Variants in TXLNG observed in about 807,000 individuals in gnomAD.
TXLNG encodes the protein gamma-taxilin.
A neutral mutation model predicts 38.8 loss-of-function variants in TXLNG; 5 were observed. The observed-to-expected ratio is 0.13, with a 90% confidence interval of 0.07 to 0.27. TXLNG has a LOEUF of 0.27. TXLNG is among the 10% of genes least tolerant of loss of function. The pLI is 1.00. For missense variants in TXLNG, 393 were observed against 398.2 expected (o/e 0.99, Z 0.11); for synonymous variants, 182 against 158.2 (o/e 1.15, Z -1.13).
chrX:16,808,702 A>G (rs1400744475), intron 1 of TXLNG, among the ~76,000 whole-genome samples: 6 of 111,853 alleles, frequency 5.4e-5, no homozygotes, highest in Non-Finnish European at 9.4e-5. Flanking sequence ...ACCAGTAATT[A>G]TATAACCACC....
chrX:16,833,609 G>A (rs1434083156), intron 6 of TXLNG, among the ~76,000 whole-genome samples: 5 of 106,857 alleles, frequency 4.7e-5, no homozygotes, highest in Non-Finnish European at 9.5e-5. Flanking sequence ...TTCCAAAGTT[G>A]GAATATAAAT....
chrX:16,798,870 G>A (rs1283396344), intron 1 of TXLNG, among the ~76,000 whole-genome samples: 2 of 109,987 alleles, frequency 1.8e-5, no homozygotes, highest in East Asian at 2.8e-4. Context: ...GAGCCACTGC[G>A]CCCAGCCAGC....
At chrX:16,835,910 C>A (rs984401401) in intron 7 of TXLNG, among the ~76,000 whole-genome samples, 3 of 112,402 alleles carry the variant, frequency 2.7e-5, no homozygotes, top group African/African-American at 9.7e-5. Flanking sequence ...TATTGGCTAC[C>A]CACTGGGCCA....
intron 1 of TXLNG, among the ~76,000 whole-genome samples, chrX:16,811,114 C>T (rs1928499333): frequency 9.0e-6 from 1 of 111,690 alleles, no homozygotes; most frequent in Non-Finnish European, 1.9e-5. Flanking sequence ...TAAGCTATTG[C>T]TACTTAGGAG....
chrX:16,801,862 C>T (rs895595200), intron 1 of TXLNG, among the ~76,000 whole-genome samples: 4 of 110,046 alleles, frequency 3.6e-5, no homozygotes, highest in African/African-American at 1.3e-4. Context: ...CAAAGCCAGA[C>T]TCCCTGTGTT....
chrX:16,819,068 GT>G (rs1198115891), intron 2 of TXLNG, among the ~76,000 whole-genome samples, 191 bp downstream of exon 2: 4 of 103,674 alleles, frequency 3.9e-5, no homozygotes, highest in East Asian at 3.0e-4. Context: ...AGGACGCTTA[GT>G]TTTTTTTTTT....
At chrX:16,792,584 C>G (rs1351186209) in intron 1 of TXLNG, among the ~76,000 whole-genome samples, 1 of 108,817 alleles carries the variant, frequency 9.2e-6, no homozygotes, top group Non-Finnish European at 1.9e-5. Flanking sequence ...ATTTTGAGAC[C>G]CGCTTGGGCA....
intron 1 of TXLNG, among the ~76,000 whole-genome samples, chrX:16,786,909 C>T (rs1005206139): frequency 8.9e-6 from 1 of 111,745 alleles, no homozygotes; most frequent in African/African-American, 3.2e-5. Flanking sequence ...GTGCGGCCAG[C>T]ACCGCGGGGA....
chrX:16,820,317 A>G (rs1928891596), intron 3 of TXLNG, 62 bp downstream of exon 3: 5 of 926,415 alleles, frequency 5.4e-6, no homozygotes, highest in South Asian at 4.7e-5. Flanking sequence ...TGTGTGCTTG[A>G]TAAGTTTCTT....
intron 1 of TXLNG, among the ~76,000 whole-genome samples, chrX:16,804,753 G>A (rs1264634874): frequency 1.8e-5 from 2 of 109,423 alleles, no homozygotes; most frequent in Non-Finnish European, 3.8e-5. Context: ...TTAAAAATTT[G>A]TTGTAGATTT....
rs1293000707 is a variant in TXLNG at position 16,842,953 on chromosome X, C to G, written c.*1187C>G. 2 of 112,155 alleles carry G rather than the reference C, an allele frequency of 1.8e-5. No homozygotes were observed. The highest frequency in any genetic ancestry group is 6.5e-5 in the African/African-American group (2 of 30,871). The allele number at this position is 112,155 out of a possible 1,213,427, so 9.2% of individuals were successfully genotyped here. A position where few individuals can be genotyped will look rare whatever the true frequency, so the allele number is the denominator to read the frequency against. ...CCACAGTATTATCAAGGTCTCTACA[C>G]TTGGACTGGGGGAAAATTTGAAATT... On this transcript the variant is annotated 3_prime_UTR_variant, in exon 10 of 10. Transcript: ENST00000380122.
chrX:16,825,080 G>C (rs1016225475), intron 3 of TXLNG, among the ~76,000 whole-genome samples: 1 of 111,883 alleles, frequency 8.9e-6, no homozygotes, highest in Non-Finnish European at 1.9e-5. Context: ...AGACATGAAA[G>C]GGACATTTCA....
In TXLNG at chrX:16,843,431, C is replaced by CTAAT. The variant is rs1205668183; in HGVS notation, c.*1668_*1671dup. The CTAAT allele has an allele frequency of 9.0e-6, 1 of 111,631 alleles. No individual in the cohort carries two copies. The highest frequency in any genetic ancestry group is 2.8e-4 in the East Asian group (1 of 3,551). The allele number at this position is 111,631 out of a possible 1,213,427, so 9.2% of individuals were successfully genotyped here. A position where few individuals can be genotyped will look rare whatever the true frequency, so the allele number is the denominator to read the frequency against. On this transcript the variant is annotated 3_prime_UTR_variant, in exon 10 of 10. Transcript: ENST00000380122. ...AAAATAAATCCACAAAGTAGATTAT[C>CTAAT]TAATTACCATCAAAATGAGTCAGAA...
chrX:16,821,821 T>G (rs1928975812), intron 3 of TXLNG, among the ~76,000 whole-genome samples: 1 of 103,519 alleles, frequency 9.7e-6, no homozygotes, highest in African/African-American at 3.6e-5. Flanking sequence ...AAACCCTGTC[T>G]CTACTAAAAA....
chrX:16,810,777 C>T (rs758556743), intron 1 of TXLNG, among the ~76,000 whole-genome samples: 1 of 111,813 alleles, frequency 8.9e-6, no homozygotes, highest in Non-Finnish European at 1.9e-5. Context: ...CAACCTCCAC[C>T]TCCTGGGTTC....
intron 5 of TXLNG, among the ~76,000 whole-genome samples, chrX:16,830,604 T>TAA (rs1227790659): frequency 2.1e-5 from 2 of 95,989 alleles, no homozygotes; most frequent in African/African-American, 7.5e-5. Context: ...TGATTCAAAT[T>TAA]AAAAAAAAAA....
intron 1 of TXLNG, among the ~76,000 whole-genome samples, chrX:16,787,991 CTCTT>C (rs1927559468): frequency 8.9e-6 from 1 of 111,924 alleles, no homozygotes; most frequent in African/African-American, 3.2e-5. Flanking sequence ...TCAATTACCT[CTCTT>C]TCTTTCTCTC....
At chrX:16,790,407 G>A (rs1040147768) in intron 1 of TXLNG, among the ~76,000 whole-genome samples, 4 of 109,562 alleles carry the variant, frequency 3.7e-5, no homozygotes, top group Non-Finnish European at 5.7e-5. Context: ...CTGCTATGTT[G>A]CCCAGGCTGG....
Position 16,841,556 on chromosome X carries a change from A to G in TXLNG, c.1377A>G (p.Val459=). 8.3e-7 allele frequency: 1 copy of G among 1,212,011 alleles called. No individual in the cohort carries two copies. The highest frequency in any genetic ancestry group is 3.0e-5 in the East Asian group (1 of 33,842). Residue 459 remains valine, a synonymous_variant, in exon 10 of 10, where the codon GTA becomes GTG. Transcript: ENST00000380122. ...NEKVEVLKEQ[V]SIKAAIKAAN... is the part of the protein sequence containing the mutation. ...AGGTGGAAGTCCTGAAAGAGCAGGT[A>G]TCCATCAAAGCGGCCATCAAAGCGG... is the stretch of plus-strand genomic sequence containing the variant.
Sources: gnomAD v4.1 joint callset for allele counts (sites outside exome capture counted in the v4.1 genomes callset) on GRCh38, gnomAD v4.1.1 for gene constraint, MANE v1.5 for transcripts, NCBI Gene and HGNC (gene_info 2026-07-23, HGNC 2026-07-21) for gene names.